The following RBFOX1 variants were observed in gnomAD, a reference collection of about 807,000 sequenced individuals.
RBFOX1 encodes RNA binding fox-1 homolog 1.
RBFOX1 carries 8 observed loss-of-function variants against 57.7 expected under a neutral mutation model. That is an observed-to-expected ratio of 0.14 (90% confidence interval 0.08 to 0.25). RBFOX1 has a LOEUF of 0.25. Ranked by LOEUF, RBFOX1 falls within the 10% of genes least tolerant of loss-of-function variation. RBFOX1 has a pLI of 1.00. For synonymous variants in RBFOX1, 326 were observed against 222.4 expected (o/e 1.47, Z -4.15); for missense variants, 611 against 548.5 (o/e 1.11, Z -1.14).
At chr16:5,478,687 C>A (rs1167685064) in intron 2 of RBFOX1, among the ~76,000 whole-genome samples, 1 of 152,172 alleles carries the variant, frequency 6.6e-6, no homozygotes. Context: ...CTCCACTGTT[C>A]TTTGTGCCCT....
At chr16:6,537,119 C>G (rs764383136) in intron 2 of RBFOX1, among the ~76,000 whole-genome samples, 22 of 152,042 alleles carry the variant, frequency 1.4e-4, no homozygotes, top group Non-Finnish European at 2.9e-4. Context: ...ACCAGTGTTT[C>G]TCAAGCTTTT....
In RBFOX1 at chr16:6,628,926, A is replaced by T. The variant is rs548256326; in HGVS notation, c.-63-25677A>T. 2.0e-5 allele frequency among the ~76,000 whole-genome samples: 3 copies of T among 152,292 alleles called. 1 individual carries two copies. The South Asian group carries it at 6.2e-4, about 32-fold the overall frequency. On this transcript the variant is annotated intron_variant, in intron 2 of 15. Coordinates refer to ENST00000550418, the MANE Select transcript of RBFOX1 (RefSeq NM_018723.4). ...GCGTCTGTAGTCCCAGCTACTAGGG[A>T]GGCTGAGACAGGAGAATTGCTTGAA...
chr16:6,436,211 T>C (rs1013527797), intron 2 of RBFOX1, among the ~76,000 whole-genome samples: 3 of 152,232 alleles, frequency 2.0e-5, no homozygotes, highest in Non-Finnish European at 4.4e-5. Context: ...AAGGGTGATA[T>C]TGACCATGGG....
chr16:5,529,224 G>A (rs899539136), intron 2 of RBFOX1, among the ~76,000 whole-genome samples: 2 of 152,056 alleles, frequency 1.3e-5, no homozygotes, highest in Non-Finnish European at 2.9e-5. Context: ...GCCTGAGGGT[G>A]CGTGACTTTG....
intron 3 of RBFOX1, among the ~76,000 whole-genome samples, chr16:5,755,808 G>A (rs1021153470): frequency 7.9e-5 from 12 of 152,082 alleles, no homozygotes; most frequent in African/African-American, 2.9e-4. Flanking sequence ...ATGTTGGTCA[G>A]GCTGGTCTCG....
At chr16:7,195,870 G>T (rs12922703) in intron 4 of RBFOX1, among the ~76,000 whole-genome samples, 1 of 151,892 alleles carries the variant, frequency 6.6e-6, no homozygotes, top group East Asian at 1.9e-4. Context: ...CATAATTTTA[G>T]AAAGGTGCCT....
intron 3 of RBFOX1, among the ~76,000 whole-genome samples, chr16:6,688,740 C>G (rs1230516799): frequency 6.6e-6 from 1 of 152,106 alleles, no homozygotes; most frequent in Admixed American, 6.6e-5. Flanking sequence ...CTGCACACAT[C>G]AACCCATCAT....
chr16:5,867,437 C>T lies in RBFOX1; in HGVS notation c.351+102C>T, dbSNP rs539280458. The T allele has an allele frequency of 1.5e-3, 1,246 of 826,010 alleles. 2 individuals are homozygous for T. The highest frequency in any genetic ancestry group is 1.9e-3 in the Admixed American group (45 of 23,150). The allele number at this position is 826,010 out of a possible 1,614,324, so 51.2% of individuals were successfully genotyped here. On this transcript the variant is annotated intron_variant, in intron 4 of 19. Transcript: ENST00000641259. ...TTCTAGCAATGATTCTTCCGTGTTT[C>T]ATTTCCTGGTGGCTTGGATGGTGTG...
chr16:7,532,173 G>T (rs1441082970), intron 5 of RBFOX1, among the ~76,000 whole-genome samples: 1 of 148,946 alleles, frequency 6.7e-6, no homozygotes, highest in African/African-American at 2.5e-5. Context: ...GGTAGGTGTA[G>T]CATTCCAATG....
At chr16:7,710,375 A>G in intron 15 of RBFOX1, 6 of 1,360,400 alleles carry the variant, frequency 4.4e-6, no homozygotes, top group Non-Finnish European at 5.6e-6. Context: ...AGCTTATAAT[A>G]GAGTCCTTTT....
intron 2 of RBFOX1, among the ~76,000 whole-genome samples, chr16:6,539,460 CTA>C (rs1245349205): frequency 6.6e-6 from 1 of 152,108 alleles, no homozygotes; most frequent in East Asian, 1.9e-4. Context: ...AGTTTTTACT[CTA>C]TTACATAGTT....
Position 5,946,562 on chromosome 16 carries a change from C to A in RBFOX1, c.351+79227C>A, listed in dbSNP as rs1433186502. 6.6e-6 allele frequency among the ~76,000 whole-genome samples: 1 copy of A among 152,084 alleles called. No homozygotes were observed. The highest frequency in any genetic ancestry group is 1.5e-5 in the Non-Finnish European group (1 of 68,014). ...ATCTCACTCTATGCATATTTTTTTCCAACTGGGTGTTCCTGAGTTATATCC... is the reference window on the plus strand; with the variant it reads ...ATCTCACTCTATGCATATTTTTTTCAAACTGGGTGTTCCTGAGTTATATCC... On this transcript the variant is annotated intron_variant, in intron 4 of 19. Transcript: ENST00000641259. This position sits in a 1 kb window ranked among gnomAD's most constrained non-coding sequence, Gnocchi z 4.6.
At chr16:6,889,641 C>A (rs1270462832) in intron 3 of RBFOX1, among the ~76,000 whole-genome samples, 1 of 152,156 alleles carries the variant, frequency 6.6e-6, no homozygotes, top group Admixed American at 6.5e-5. Context: ...ATCCGTAAGC[C>A]CATCCTCAAT....
At chr16:7,118,408 C>A (rs570216105) in intron 4 of RBFOX1, among the ~76,000 whole-genome samples, 1 of 151,916 alleles carries the variant, frequency 6.6e-6, no homozygotes, top group African/African-American at 2.4e-5. Context: ...AATGCCTGTT[C>A]AAGTCAGAGA....
intron 4 of RBFOX1, among the ~76,000 whole-genome samples, chr16:7,471,557 C>A (rs1340073993): frequency 6.6e-6 from 1 of 151,514 alleles, no homozygotes; most frequent in Non-Finnish European, 1.5e-5. Flanking sequence ...TAGGACATTT[C>A]AAAAAAAATG....
intron 3 of RBFOX1, among the ~76,000 whole-genome samples, chr16:5,712,887 C>T (rs1345886442): frequency 2.0e-5 from 3 of 152,172 alleles, no homozygotes; most frequent in Admixed American, 1.3e-4. Flanking sequence ...AGAGTTCACT[C>T]TGTTTTTAAA....
chr16:6,688,017 A>G (rs1428068019), intron 3 of RBFOX1, among the ~76,000 whole-genome samples: 1 of 152,234 alleles, frequency 6.6e-6, no homozygotes, highest in Non-Finnish European at 1.5e-5. Context: ...GCACTGTGCT[A>G]TGCACCTCAC....
In RBFOX1 at chr16:5,544,951, C is replaced by CTTTTTTTTTTTTTTTTTT. The variant is rs59873374; in HGVS notation, c.259-53925_259-53908dup. On this transcript the variant is annotated intron_variant, in intron 2 of 2. Coordinates refer to the RBFOX1 transcript ENST00000585867. ...GTATAGATGGCCTTACTATTACATT[C>CTTTTTTTTTTTTTTTTTT]TTTTTTTTTTTTTTTTTTTTTTTTT... 2.2e-4 allele frequency among the ~76,000 whole-genome samples: 27 copies of CTTTTTTTTTTTTTTTTTT among 124,402 alleles called. 2 individuals carry two copies. Among genetic ancestry groups the CTTTTTTTTTTTTTTTTTT allele is most frequent in the African/African-American group, 3.8e-4 (11 of 29,026 alleles). The allele number at this position is 124,402 out of a possible 152,430, so 81.6% of individuals were successfully genotyped here. A position where few individuals can be genotyped will look rare whatever the true frequency, so the allele number is the denominator to read the frequency against.
At chr16:6,089,654 C>A (rs2096142116) in intron 1 of RBFOX1, among the ~76,000 whole-genome samples, 1 of 152,120 alleles carries the variant, frequency 6.6e-6, no homozygotes, top group South Asian at 2.1e-4. Flanking sequence ...TGGTGGTTAC[C>A]TGAGTACGGG....
Sources: allele counts gnomAD v4.1 joint callset (sites outside exome capture counted in the v4.1 genomes callset), GRCh38; gene constraint gnomAD v4.1.1; non-coding constraint Gnocchi (gnomAD v3.1); transcripts MANE v1.5; gene names NCBI Gene and HGNC (gene_info 2026-07-23, HGNC 2026-07-21).